The following TEX9 variants were observed in gnomAD, a reference collection of about 807,000 sequenced individuals.
TEX9 encodes the protein testis expressed 9.
A neutral mutation model predicts 59.6 loss-of-function variants in TEX9; 74 were observed. The ratio of observed to expected loss-of-function variants is 1.24; its 90% CI spans 1.03 to 1.51. The LOEUF (loss-of-function observed/expected upper bound fraction) is 1.51. Among genes scored for constraint, TEX9 ranks in the 40% most tolerant of loss-of-function variants. The pLI, the probability that TEX9 is intolerant of heterozygous loss-of-function variation, is 0.00. For missense variants in TEX9, 522 were observed against 447.8 expected (o/e 1.17, Z -1.49); for synonymous variants, 186 against 152.2 (o/e 1.22, Z -1.64).
chr15:56,308,579 A>T (rs1229030684), intron 1 of TEX9, among the ~76,000 whole-genome samples: 2 of 151,932 alleles, frequency 1.3e-5, no homozygotes, highest in Non-Finnish European at 2.9e-5. Flanking sequence ...CAGTTTATCT[A>T]TTTTTTCTTT....
intron 1 of TEX9, among the ~76,000 whole-genome samples, chr15:56,300,746 A>AGC (rs2045340813): frequency 7.2e-6 from 1 of 138,418 alleles, no homozygotes; most frequent in Non-Finnish European, 1.6e-5. Flanking sequence ...AGAGAGAGAG[A>AGC]CTTCATTTCA....
chr15:56,415,679 T>G (rs577566127), intron 10 of TEX9, among the ~76,000 whole-genome samples: 9 of 152,026 alleles, frequency 5.9e-5, no homozygotes, highest in African/African-American at 2.2e-4. Context: ...ACAGTGTGCC[T>G]CCAACTTTGT....
chr15:56,363,936 G>C (rs1339203455), upstream of TEX9, among the ~76,000 whole-genome samples: 2 of 150,724 alleles, frequency 1.3e-5, no homozygotes, highest in Admixed American at 6.6e-5. Flanking sequence ...TCCTGACTTA[G>C]CCTCCAAAGT....
intron 1 of TEX9, among the ~76,000 whole-genome samples, chr15:56,293,859 T>C (rs575521040): frequency 7.2e-4 from 110 of 152,356 alleles, no homozygotes; most frequent in African/African-American, 2.6e-3. Context: ...GGATCCCTCC[T>C]GGACTCTACA....
chr15:56,382,747 A>G (rs1056143376), intron 3 of TEX9, among the ~76,000 whole-genome samples: 17 of 152,272 alleles, frequency 1.1e-4, no homozygotes, highest in Middle Eastern at 3.4e-3. Context: ...CCGAGATGCA[A>G]GATAACATCC....
At chr15:56,342,307 G>A (rs1253304089) in intron 1 of TEX9, among the ~76,000 whole-genome samples, 1 of 152,086 alleles carries the variant, frequency 6.6e-6, no homozygotes, top group Non-Finnish European at 1.5e-5. Context: ...GGAAGCTAAG[G>A]CTCAGAGAGG....
At chr15:56,426,373 T>C (rs1430301417) in intron 10 of TEX9, among the ~76,000 whole-genome samples, 2 of 151,692 alleles carry the variant, frequency 1.3e-5, no homozygotes, top group Admixed American at 6.6e-5. Context: ...TCCTACTGCT[T>C]TGAATATGGC....
At chr15:56,434,473 G>A (rs372806622) in intron 12 of TEX9, 20 of 1,380,510 alleles carry the variant, frequency 1.4e-5, no homozygotes, top group East Asian at 1.4e-4. Context: ...ATAGAGTTTG[G>A]TTAAATTTAG....
chr15:56,365,363 A>T (rs113502004), upstream of TEX9: 3,806 of 1,516,034 alleles, frequency 2.5e-3, 5 homozygotes, highest in Non-Finnish European at 2.9e-3. Flanking sequence ...GGGAAGGCGT[A>T]GGCGCCCGGG....
intron 10 of TEX9, among the ~76,000 whole-genome samples, chr15:56,424,300 AG>A (rs2050139782): frequency 6.6e-6 from 1 of 152,142 alleles, no homozygotes; most frequent in Admixed American, 6.6e-5. Context: ...ATATTACTGT[AG>A]TCACTCCTGT....
intron 2 of TEX9, among the ~76,000 whole-genome samples, chr15:56,372,391 T>C (rs1596132803): frequency 2.0e-5 from 3 of 152,300 alleles, no homozygotes; most frequent in African/African-American, 4.8e-5. Context: ...AAAAACAAGA[T>C]ATCTAATTTT....
the TEX9 span, among the ~76,000 whole-genome samples, chr15:56,452,281 ACTAGGTG>A: frequency 7.2e-5 from 11 of 152,148 alleles, no homozygotes; most frequent in Admixed American, 7.2e-4. Context: ...TTCAGAGAAA[ACTAGGTG>A]CAAAAGGCCT....
At chr15:56,448,161 C>T (rs1213027430), downstream of TEX9, among the ~76,000 whole-genome samples, 1 of 152,058 alleles carries the variant, frequency 6.6e-6, no homozygotes, top group Non-Finnish European at 1.5e-5. Context: ...TGGATAAATA[C>T]CTAAGGTGGA....
chr15:56,458,342 C>A, the TEX9 span, among the ~76,000 whole-genome samples: 1 of 152,176 alleles, frequency 6.6e-6, no homozygotes, highest in Non-Finnish European at 1.5e-5. Flanking sequence ...AGAAAGTACA[C>A]AGAGTTCCCA....
intron 1 of TEX9, among the ~76,000 whole-genome samples, chr15:56,284,801 T>G (rs1165706829): frequency 6.6e-6 from 1 of 152,196 alleles, no homozygotes; most frequent in Non-Finnish European, 1.5e-5. Context: ...CAAGTTCTGA[T>G]CTTCTCCCAT....
chr15:56,339,578 G>C (rs1797337007), intron 1 of TEX9, among the ~76,000 whole-genome samples: 2 of 151,966 alleles, frequency 1.3e-5, no homozygotes, highest in African/African-American at 2.4e-5. Context: ...TTAGTCTGCT[G>C]TAATAAAAAT....
At chr15:56,278,182 C>G (rs1462816869) in intron 1 of TEX9, among the ~76,000 whole-genome samples, 2 of 152,148 alleles carry the variant, frequency 1.3e-5, no homozygotes, top group African/African-American at 4.8e-5. Context: ...ACATTAATAT[C>G]TATAGCATTT....
chr15:56,358,206 A>C (rs2046720161), intron 1 of TEX9, among the ~76,000 whole-genome samples: 1 of 152,130 alleles, frequency 6.6e-6, no homozygotes, highest in Admixed American at 6.6e-5. Context: ...TTCTCAGCTT[A>C]ACCTTTTTAT....
rs775674139 is a variant in TEX9, at chr15:56,373,518, C to G, written c.183+14C>G. 1.4e-5 allele frequency: 22 copies of G among 1,528,338 alleles called. No homozygotes were observed. Among genetic ancestry groups the G allele is most frequent in the Middle Eastern group, 4.2e-4 (2 of 4,778 alleles). The allele number at this position is 1,528,338 out of a possible 1,614,324, so 94.7% of individuals were successfully genotyped here. A position where few individuals can be genotyped will look rare whatever the true frequency, so the allele number is the denominator to read the frequency against. On this transcript the variant is annotated intron_variant, in intron 3 of 12. Coordinates refer to ENST00000352903, the Ensembl canonical transcript of TEX9. ...AAGGAAATAATAGTAAGTATATGTA[C>G]AATTATTAATAATTCTATATAAATG...
Sources: gnomAD v4.1 joint callset for allele counts (sites outside exome capture counted in the v4.1 genomes callset) on GRCh38, gnomAD v4.1.1 for gene constraint, MANE v1.5 for transcripts, NCBI Gene and HGNC (gene_info 2026-07-23, HGNC 2026-07-21) for gene names.